The following ZNF207 variants were observed in gnomAD, a reference collection of about 807,000 sequenced individuals.
ZNF207 encodes zinc finger protein 207.
ZNF207 carries 24 observed loss-of-function variants against 60.2 expected under a neutral mutation model. That is an observed-to-expected ratio of 0.40 (90% CI 0.29 to 0.56). ZNF207 has a LOEUF of 0.56. Among genes scored for constraint, ZNF207 ranks in the 20% least tolerant of loss-of-function variants. The probability of loss-of-function intolerance (pLI) is 0.49; values close to 1 mark genes in which losing one functional copy is unlikely to be tolerated. For synonymous variants in ZNF207, 236 were observed against 194.7 expected, an observed-to-expected ratio of 1.21 and a Z score of -1.77; for missense variants, 452 against 636.6, an observed-to-expected ratio of 0.71 and a Z score of 3.12.
At chr17:32,362,678 G>A (rs1023177231) in intron 6 of ZNF207, 1 of 406,970 alleles carries the variant, frequency 2.5e-6, no homozygotes, top group Non-Finnish European at 4.3e-6. Context: ...GACTTTAAAT[G>A]TTTTGTCAAC....
At position 32,381,755 on chromosome 17, in the gene ZNF207, A is replaced by G. The variant is rs1255324831; in HGVS notation, c.*11996A>G. The G allele has an allele frequency of 6.6e-6, 1 of 152,228 alleles. No homozygotes were observed. The highest frequency in any genetic ancestry group is 1.5e-5 in the Non-Finnish European group (1 of 68,042). 9.4% of individuals were successfully genotyped at this position (152,228 alleles called of 1,614,324 possible). A position where few individuals can be genotyped will look rare whatever the true frequency, so the allele number is the denominator to read the frequency against. Reference sequence around the variant, plus strand: ...TATTTTTTAGTTTGTTTTCATCTAAAAGTGGAAAGATTTTTGCTTCTGCGT... The same window carrying G: ...TATTTTTTAGTTTGTTTTCATCTAAGAGTGGAAAGATTTTTGCTTCTGCGT... On this transcript the variant is annotated 3_prime_UTR_variant, in exon 12 of 12. Transcript: ENST00000394670.
rs1347031406 is a variant in ZNF207 at position 32,357,338 on chromosome 17, TATTATTATTA to T, written c.169-1164_169-1155del. Among the ~76,000 whole-genome samples the T allele has an allele frequency of 1.6e-3, 147 of 94,600 alleles. 5 individuals carry two copies. Among genetic ancestry groups the T allele is most frequent in the African/African-American group, 4.5e-3 (108 of 24,180 alleles). 62.1% of individuals were successfully genotyped at this position (94,600 alleles called of 152,430 possible). A position where few individuals can be genotyped will look rare whatever the true frequency, so the allele number is the denominator to read the frequency against. The stretch of plus-strand genomic sequence containing the variant: ...TTATTATTATTATTATTATTATTAT[TATTATTATTA>T]TTATTTTTTTTTTTTTTTGAGACAG... On this transcript the variant is annotated intron_variant, in intron 2 of 11. Coordinates refer to ENST00000394670, the MANE Select transcript of ZNF207 (RefSeq NM_001098507.2).
At position 32,372,637 on chromosome 17, in the gene ZNF207, T is replaced by C. The variant is rs1905525508; in HGVS notation, c.*2878T>C. 1 of 152,222 alleles carries C rather than the reference T, an allele frequency of 6.6e-6. No homozygotes were observed. Among genetic ancestry groups the C allele is most frequent in the Non-Finnish European group, 1.5e-5 (1 of 68,032 alleles). 9.4% of individuals were successfully genotyped at this position (152,222 alleles called of 1,614,324 possible). ...TGTAGCTATAGGCTCAGAGGTGGTGTACCCATTTAATATATTTGAAGTGTA... is the reference window on the plus strand; with the variant it reads ...TGTAGCTATAGGCTCAGAGGTGGTGCACCCATTTAATATATTTGAAGTGTA... On this transcript the variant is annotated 3_prime_UTR_variant, in exon 12 of 12. Coordinates refer to ENST00000394670, the MANE Select transcript of ZNF207 (RefSeq NM_001098507.2).
chr17:32,380,887 G>A lies in ZNF207; in HGVS notation c.*11128G>A, dbSNP rs1262283753. On this transcript the variant is annotated 3_prime_UTR_variant, in exon 12 of 12. Transcript: ENST00000394670. The stretch of plus-strand genomic sequence containing the variant: ...CAGGAAAATCGCTTGAACCCAGGGG[G>A]AGGAGGTTGCAGTGAGCCGAGATGG... The A allele has an allele frequency of 6.6e-6, 1 of 152,110 alleles. No homozygotes were observed. Among genetic ancestry groups the A allele is most frequent in the Non-Finnish European group, 1.5e-5 (1 of 68,058 alleles). The allele number at this position is 152,110 out of a possible 1,614,324, so 9.4% of individuals were successfully genotyped here. A position where few individuals can be genotyped will look rare whatever the true frequency, so the allele number is the denominator to read the frequency against.
intron 10 of ZNF207, chr17:32,368,856 T>A (rs1296279251): frequency 1.3e-5 from 2 of 157,210 alleles, no homozygotes; most frequent in Non-Finnish European, 2.8e-5. Context: ...AAATACAGAA[T>A]TAGCCGGGCG....
chr17:32,373,284 C>A lies in ZNF207; in HGVS notation c.*3525C>A, dbSNP rs1221094622. The A allele has an allele frequency of 3.7e-6, 2 of 546,406 alleles. No individual in the cohort carries two copies. The highest frequency in any genetic ancestry group is 6.5e-6 in the Non-Finnish European group (2 of 305,824). The allele number at this position is 546,406 out of a possible 1,614,324, so 33.8% of individuals were successfully genotyped here. ...TAGTGGACAATAGTTAAAAACAAAG[C>A]TGCTCCTTTTGCTTGCTTGATCATT... On this transcript the variant is annotated 3_prime_UTR_variant, in exon 12 of 12. Coordinates refer to ENST00000394670, the MANE Select transcript of ZNF207 (RefSeq NM_001098507.2).
chr17:32,379,235 A>G lies in ZNF207; in HGVS notation c.*9476A>G, dbSNP rs1905791336. 6.6e-6 allele frequency: 1 copy of G among 152,054 alleles called. No individual in the cohort carries two copies. Among genetic ancestry groups the G allele is most frequent in the African/African-American group, 2.4e-5 (1 of 41,444 alleles). 9.4% of individuals were successfully genotyped at this position (152,054 alleles called of 1,614,324 possible). A position where few individuals can be genotyped will look rare whatever the true frequency, so the allele number is the denominator to read the frequency against. On this transcript the variant is annotated 3_prime_UTR_variant, in exon 12 of 12. Transcript: ENST00000394670. ...GGTGAGTACTGTTTTATACTTTTAT[A>G]TATTATAATTTTATCTTCTAAAATT...
rs1905487620 is a variant in ZNF207, at chr17:32,372,034, CTCACGCCTG to C, written c.*2277_*2285del. The C allele has an allele frequency of 6.6e-6, 1 of 152,358 alleles. No homozygotes were observed. Among genetic ancestry groups the C allele is most frequent in the African/African-American group, 2.4e-5 (1 of 41,468 alleles). 9.4% of individuals were successfully genotyped at this position (152,358 alleles called of 1,614,324 possible). Reference sequence around the variant, plus strand: ...TGGTGTGATAGGCCGGGCGCAGTGGCTCACGCCTGTAATCCCAGCACTTTGGGAGGCCCA... The same window carrying C: ...TGGTGTGATAGGCCGGGCGCAGTGGCTAATCCCAGCACTTTGGGAGGCCCA... On this transcript the variant is annotated 3_prime_UTR_variant, in exon 12 of 12. Coordinates refer to ENST00000394670, the MANE Select transcript of ZNF207 (RefSeq NM_001098507.2).
At position 32,367,928 on chromosome 17, in the gene ZNF207, G is replaced by T; in HGVS notation, c.1078G>T (p.Ala360Ser). The T allele has an allele frequency of 6.2e-7, 1 of 1,614,150 alleles. No homozygotes were observed. Among genetic ancestry groups the T allele is most frequent in the Non-Finnish European group, 8.5e-7 (1 of 1,180,028 alleles). ...AACAAATAGTACTGCAGCTAAACCA[G>T]CGGCTTCAATAACAAGTAAGCCTGC... The part of the protein sequence containing the change: ...STTNSTAAKP[A>S]ASITSKPATL... Residue 360 changes from alanine (A) to serine (S), a missense_variant, in exon 10 of 12, where the codon GCG (alanine) becomes TCG (serine). Ala to Ser is a moderately conservative substitution (Grantham distance 99). Coordinates refer to ENST00000394670, the MANE Select transcript of ZNF207 (RefSeq NM_001098507.2).
In ZNF207 at chr17:32,360,673, A is replaced by G. The variant is rs775560774; in HGVS notation, c.383A>G (p.Gln128Arg). Reference sequence around the variant, plus strand: ...GACTCTGCAGCCTCAACTTCATTTCAGCCACAGCCTGTTCAACCTCAGCAA... The same window carrying G: ...GACTCTGCAGCCTCAACTTCATTTCGGCCACAGCCTGTTCAACCTCAGCAA... ...DDDSAASTSF[Q>R]PQPVQPQQGY... Residue 128 changes from glutamine (Q) to arginine (R), a missense_variant, in exon 4 of 12, where the codon CAG becomes CGG. Gln to Arg is a conservative substitution (Grantham distance 43). This residue lies in a region of ZNF207 where 62 missense variants were observed against 175.3 expected (regional missense o/e 0.35). Transcript: ENST00000394670. 1 of 1,614,124 alleles carries G rather than the reference A, an allele frequency of 6.2e-7. No homozygotes were observed. The highest frequency in any genetic ancestry group is 1.1e-5 in the South Asian group (1 of 91,076).
intron 2 of ZNF207, among the ~76,000 whole-genome samples, chr17:32,356,452 GA>G (rs1479132826): frequency 6.6e-6 from 1 of 152,138 alleles, no homozygotes; most frequent in Non-Finnish European, 1.5e-5. Context: ...GCAATATAAG[GA>G]ATAGCTTTTA....
Position 32,370,667 on chromosome 17 carries a change from A to G in ZNF207, c.*908A>G, listed in dbSNP as rs143501193. 6.6e-6 allele frequency: 1 copy of G among 152,292 alleles called. No individual in the cohort carries two copies. Among genetic ancestry groups the G allele is most frequent in the African/African-American group, 2.4e-5 (1 of 41,560 alleles). The allele number at this position is 152,292 out of a possible 1,614,324, so 9.4% of individuals were successfully genotyped here. A position where few individuals can be genotyped will look rare whatever the true frequency, so the allele number is the denominator to read the frequency against. ...ACGTGTCATAGATACTTAAAATGTAAATGTTAACACTTTTCCTTCCTGCTG... is the reference window on the plus strand; with the variant it reads ...ACGTGTCATAGATACTTAAAATGTAGATGTTAACACTTTTCCTTCCTGCTG... On this transcript the variant is annotated 3_prime_UTR_variant, in exon 12 of 12. Coordinates refer to ENST00000394670, the MANE Select transcript of ZNF207 (RefSeq NM_001098507.2).
At chr17:32,362,822 A>C in intron 6 of ZNF207, 92 bp from the exon 7 acceptor site, 1 of 1,017,684 alleles carries the variant, frequency 9.8e-7, no homozygotes, top group Non-Finnish European at 1.5e-6. Flanking sequence ...CAAGTCTTCT[A>C]TCTAGTGTTG....
intron 2 of ZNF207, among the ~76,000 whole-genome samples, chr17:32,352,281 C>A (rs746704770): frequency 2.6e-5 from 4 of 151,978 alleles, no homozygotes; most frequent in African/African-American, 9.7e-5. Context: ...AAAGAATAAT[C>A]ATTTATTTCT....
Position 32,357,495 on chromosome 17 carries a change from C to T in ZNF207, c.169-1008C>T, listed in dbSNP as rs1312430954. ...TCCTGAGTAGCTGGGATTACAGGCA[C>T]GTGCCACCATGCCCGGCTAATTTTT... On this transcript the variant is annotated intron_variant, in intron 2 of 11. Transcript: ENST00000394670. Among the ~76,000 whole-genome samples the T allele has an allele frequency of 1.1e-4, 16 of 150,138 alleles. 1 individual carries two copies. The highest frequency in any genetic ancestry group is 3.4e-4 in the African/African-American group (14 of 40,838).
intron 10 of ZNF207, 28 bp downstream of exon 10, chr17:32,368,042 A>G: frequency 6.2e-7 from 1 of 1,612,230 alleles, no homozygotes; most frequent in South Asian, 1.1e-5. Flanking sequence ...TTCTACGAGC[A>G]GCATTTGATT....
intron 9 of ZNF207, among the ~76,000 whole-genome samples, chr17:32,367,282 T>TATATGTATATATATAA (rs1445385221): frequency 1.2e-5 from 1 of 82,862 alleles, no homozygotes; most frequent in Non-Finnish European, 2.2e-5. Context: ...TATATATATA[T>TATATGTATATATATAA]ATAAAGAATA....
chr17:32,368,200 GT>G (rs1330541736), intron 10 of ZNF207, 186 bp downstream of exon 10: 2 of 863,276 alleles, frequency 2.3e-6, no homozygotes, highest in Non-Finnish European at 3.4e-6. Context: ...GATATTGCAT[GT>G]TTTGGTCTTA....
In ZNF207 at chr17:32,379,416, C is replaced by T. The variant is rs1905797328; in HGVS notation, c.*9657C>T. Reference sequence around the variant, plus strand: ...TTTTTTCTGACCTTCACTTAACAGACTATAAATACAAAAACTTTGAACACA... The same window carrying T: ...TTTTTTCTGACCTTCACTTAACAGATTATAAATACAAAAACTTTGAACACA... On this transcript the variant is annotated 3_prime_UTR_variant, in exon 12 of 12. Coordinates refer to ENST00000394670, the MANE Select transcript of ZNF207 (RefSeq NM_001098507.2). The T allele has an allele frequency of 6.6e-6, 1 of 152,024 alleles. No homozygotes were observed. The highest frequency in any genetic ancestry group is 2.1e-4 in the South Asian group (1 of 4,828). 9.4% of individuals were successfully genotyped at this position (152,024 alleles called of 1,614,324 possible).
Sources: allele counts gnomAD v4.1 joint callset (sites outside exome capture counted in the v4.1 genomes callset), GRCh38; gene constraint gnomAD v4.1.1; regional missense constraint gnomAD v4.1.1; transcripts MANE v1.5; gene names NCBI Gene and HGNC (gene_info 2026-07-23, HGNC 2026-07-21).